MPDZ: variants seen among roughly 807,000 people sequenced by gnomAD.
MPDZ encodes the protein multiple PDZ domain crumbs cell polarity complex component.
In MPDZ, 234 loss-of-function variants were observed where a neutral mutation model predicts 239.1. That is an observed-to-expected ratio of 0.98 (90% CI 0.88 to 1.09). The LOEUF (loss-of-function observed/expected upper bound fraction) is 1.09, where lower values mean the gene tolerates loss of function less well. MPDZ is among the 50% of genes least tolerant of loss of function. The pLI is 0.00. For synonymous variants in MPDZ, 1,048 were observed against 881.3 expected (o/e 1.19, Z -3.35); for missense variants, 3,175 against 2,510.0 (o/e 1.26, Z -5.66).
rs577268676 is a variant in MPDZ at position 13,173,233 on chromosome 9, C to T, written c.3055+2519G>A. On this transcript the variant is annotated intron_variant, in intron 21 of 46. Coordinates refer to ENST00000319217, the MANE Select transcript of MPDZ (RefSeq NM_001378778.1). ...ACAACAATGTGAGTGCACTTAATGCCACAGAAATGTACTCTTAAAAATGAT... is the reference window on the plus strand; with the variant it reads ...ACAACAATGTGAGTGCACTTAATGCTACAGAAATGTACTCTTAAAAATGAT... 6.6e-5 allele frequency among the ~76,000 whole-genome samples: 10 copies of T among 152,142 alleles called. 1 individual carries two copies. The South Asian group carries it at 2.1e-3, about 32-fold the overall frequency.
chr9:13,125,287 C>A lies in MPDZ; in HGVS notation c.4736G>T (p.Gly1579Val), dbSNP rs1441866699. 3 of 1,613,374 alleles carry A rather than the reference C, an allele frequency of 1.9e-6. No homozygotes were observed. Among genetic ancestry groups the A allele is most frequent in the Admixed American group, 1.7e-5 (1 of 59,964 alleles). Reference protein sequence around the residue: ...AVPSAAGAASGEKKNSSQSLM... With the variant: ...AVPSAAGAASVEKKNSSQSLM... Reference sequence around the variant, plus strand: ...AGACTGGGAGCTGTTCTTTTTTTCTCCACTGGCTGCACCAGCTGCTGAAGG... The same window carrying A: ...AGACTGGGAGCTGTTCTTTTTTTCTACACTGGCTGCACCAGCTGCTGAAGG... The change falls in exon 35 of 47, where the codon GGA becomes GTA. Residue 1579 changes from glycine to valine, a missense_variant. Physicochemically the swap from Gly to Val is moderately radical, Grantham distance 109. Coordinates refer to ENST00000319217, the MANE Select transcript of MPDZ (RefSeq NM_001378778.1).
At chr9:13,124,580 C>G (rs1393380448) in intron 35 of MPDZ, among the ~76,000 whole-genome samples, 1 of 152,086 alleles carries the variant, frequency 6.6e-6, no homozygotes, top group East Asian at 1.9e-4. Flanking sequence ...AATAATGTAC[C>G]TCCATATACT....
rs377719150 is a variant in MPDZ, at chr9:13,112,073, A to G, written c.5675T>C (p.Ile1892Thr). The change falls in exon 43 of 47, where the codon ATT (isoleucine) becomes ACT (threonine). Residue 1892 changes from isoleucine (I) to threonine (T), a missense_variant. Ile to Thr is a moderately conservative substitution (Grantham distance 89). Transcript: ENST00000319217. ...AACTCCAGTTGGGTGCATCATTGCA[A>G]TAAATATAGGCACATCACCAAGTGG... The part of the protein sequence containing the change: ...GSPLGDVPIF[I>T]AMMHPTGVAA... 1 of 1,613,576 alleles carries G rather than the reference A, an allele frequency of 6.2e-7. No homozygotes were observed. The highest frequency in any genetic ancestry group is 8.5e-7 in the Non-Finnish European group (1 of 1,179,690).
At chr9:13,245,393 G>T (rs1966362245) in intron 3 of MPDZ, among the ~76,000 whole-genome samples, 1 of 148,120 alleles carries the variant, frequency 6.8e-6, no homozygotes, top group Non-Finnish European at 1.5e-5. Context: ...GGCATCTAGG[G>T]TTCAACTTTC....
chr9:13,167,358 A>T (rs1208044083), intron 22 of MPDZ, among the ~76,000 whole-genome samples: 1 of 152,154 alleles, frequency 6.6e-6, no homozygotes, highest in African/African-American at 2.4e-5. Flanking sequence ...CCATTAGTGA[A>T]GATTTTGCCT....
Position 13,223,537 on chromosome 9 carries a change from A to T in MPDZ, c.533+34T>A, listed in dbSNP as rs560738406. On this transcript the variant is annotated intron_variant, in intron 5 of 46. Transcript: ENST00000319217. ...GTAACCAAAACCTTCAGAATGTGGG[A>T]TCAAAAACAAAGAAGACGCCGCGAC... 36 of 1,570,704 alleles carry T rather than the reference A, an allele frequency of 2.3e-5. 1 individual carries two copies. The South Asian group carries it at 4.4e-4, about 19-fold the overall frequency.
At chr9:13,251,616 G>C (rs1968036793) in intron 1 of MPDZ, among the ~76,000 whole-genome samples, 1 of 152,104 alleles carries the variant, frequency 6.6e-6, no homozygotes, top group Non-Finnish European at 1.5e-5. Context: ...AAGCAAAATG[G>C]AATTTCTCTT....
chr9:13,121,644 A>T (rs1944365871), intron 38 of MPDZ, 95 bp downstream of exon 38: 2 of 1,294,970 alleles, frequency 1.5e-6, no homozygotes, highest in Non-Finnish European at 2.2e-6. Context: ...AACACTAGCC[A>T]CTGATAAAAG....
intron 10 of MPDZ, among the ~76,000 whole-genome samples, chr9:13,209,830 G>C (rs78822094): frequency 0.04 from 6,150 of 152,054 alleles, 323 homozygotes; most frequent in African/African-American, 0.12. Flanking sequence ...ACAAAGTCCA[G>C]GTCATGCATG....
intron 1 of MPDZ, among the ~76,000 whole-genome samples, chr9:13,261,905 C>T (rs530299919): frequency 3.3e-5 from 5 of 150,650 alleles, no homozygotes; most frequent in African/African-American, 9.8e-5. Context: ...ATTAGCCAGG[C>T]GTAGAGGCAC....
At chr9:13,225,686 G>A (rs1017926136) in intron 3 of MPDZ, among the ~76,000 whole-genome samples, 1 of 151,976 alleles carries the variant, frequency 6.6e-6, no homozygotes, top group Non-Finnish European at 1.5e-5. Context: ...GTACAGGTTG[G>A]TAGACTAGGA....
At chr9:13,192,056 A>C (rs1056257035) in intron 15 of MPDZ, 75 bp downstream of exon 15, 4 of 1,273,422 alleles carry the variant, frequency 3.1e-6, no homozygotes, top group Non-Finnish European at 4.1e-6. Flanking sequence ...AAATTGAAAA[A>C]TGCTTAAAAA....
At chr9:13,233,132 A>C (rs1479593307) in intron 3 of MPDZ, among the ~76,000 whole-genome samples, 1 of 152,096 alleles carries the variant, frequency 6.6e-6, no homozygotes, top group Non-Finnish European at 1.5e-5. Context: ...GCTTTGGAAA[A>C]CAGTTTGGCA....
At chr9:13,179,922 T>C (rs1356697730) in intron 19 of MPDZ, among the ~76,000 whole-genome samples, 8 of 152,096 alleles carry the variant, frequency 5.3e-5, no homozygotes, top group African/African-American at 1.9e-4. Context: ...AGAGGATCCT[T>C]ATTATACATT....
At position 13,112,096 on chromosome 9, in the gene MPDZ, T is replaced by C; in HGVS notation, c.5652A>G (p.Pro1884=). The change falls in exon 43 of 47, where the codon CCA becomes CCG. Residue 1884 remains proline, a synonymous_variant. Transcript: ENST00000319217. ...CAATAAATATAGGCACATCACCAAGTGGGCTGCCTACTCCTCCAGCGATGC... is the reference window on the plus strand; with the variant it reads ...CAATAAATATAGGCACATCACCAAGCGGGCTGCCTACTCCTCCAGCGATGC... The part of the protein sequence containing the change: ...GISIAGGVGS[P]LGDVPIFIAM... 6.2e-7 allele frequency: 1 copy of C among 1,613,522 alleles called. No homozygotes were observed. Among genetic ancestry groups the C allele is most frequent in the Non-Finnish European group, 8.5e-7 (1 of 1,179,548 alleles).
At chr9:13,183,611 T>C in intron 18 of MPDZ, 26 bp from the exon 19 acceptor site, 2 of 1,606,998 alleles carry the variant, frequency 1.2e-6, no homozygotes. Context: ...TAATATCAGT[T>C]GGGAATTCTG....
Position 13,223,510 on chromosome 9 carries a change from T to G in MPDZ, c.533+61A>C, listed in dbSNP as rs955534994. 4 of 1,527,566 alleles carry G rather than the reference T, an allele frequency of 2.6e-6. No individual in the cohort carries two copies. In the African/African-American group the frequency reaches 4.2e-5, roughly 16 times the overall value. 94.6% of individuals were successfully genotyped at this position (1,527,566 alleles called of 1,614,324 possible). The stretch of plus-strand genomic sequence containing the variant: ...ATTATTATTTTTCTAAATTCCTGCA[T>G]AGTAACCAAAACCTTCAGAATGTGG... On this transcript the variant is annotated intron_variant, in intron 5 of 46. Transcript: ENST00000319217.
rs759505437 is a variant in MPDZ at position 13,206,097 on chromosome 9, T to C, written c.1293A>G (p.Val431=). ...TAAAACCCTGAAGGTTTGTGCCATCTACCTGTGATTAAAAAAAAAAAAAAG... is the reference window on the plus strand; with the variant it reads ...TAAAACCCTGAAGGTTTGTGCCATCCACCTGTGATTAAAAAAAAAAAAAAG... The part of the protein sequence containing the change: ...RIQIGDQIIA[V]DGTNLQGFTN... Residue 431 remains valine, a splice_region_variant and synonymous_variant, in exon 11 of 47, where the codon GTA becomes GTG. Transcript: ENST00000319217. 109 of 1,567,086 alleles carry C rather than the reference T, an allele frequency of 7.0e-5. No homozygotes were observed. Among genetic ancestry groups the C allele is most frequent in the South Asian group, 3.1e-4 (26 of 82,986 alleles).
At position 13,110,692 on chromosome 9, in the gene MPDZ, T is replaced by C. The variant is rs777818755; in HGVS notation, c.5773A>G (p.Thr1925Ala). ...TICGTSTEGM[T>A]HTQAVNLLKN... The stretch of plus-strand genomic sequence containing the variant: ...AGTAGGTTAACTGCTTGGGTGTGAG[T>C]CATGCCCTCAGTGGATGTGCCACAG... The change falls in exon 44 of 47, where the codon ACT (threonine) becomes GCT (alanine). Residue 1925 changes from threonine to alanine, a missense_variant. Thr to Ala is a moderately conservative substitution (Grantham distance 58, BLOSUM62 0). Coordinates refer to ENST00000319217, the MANE Select transcript of MPDZ (RefSeq NM_001378778.1). 6 of 1,613,664 alleles carry C rather than the reference T, an allele frequency of 3.7e-6. No homozygotes were observed. The highest frequency in any genetic ancestry group is 1.3e-5 in the African/African-American group (1 of 75,010).
Sources: allele counts gnomAD v4.1 joint callset (sites outside exome capture counted in the v4.1 genomes callset), GRCh38; gene constraint gnomAD v4.1.1; transcripts MANE v1.5; gene names NCBI Gene and HGNC (gene_info 2026-07-23, HGNC 2026-07-21).